RAB3GAP1: variants seen among roughly 807,000 people sequenced by gnomAD.
RAB3GAP1 encodes the protein RAB3 GTPase activating protein catalytic subunit 1, also known as rab3 GTPase-activating protein catalytic subunit.
Under a neutral mutation model 130.7 loss-of-function variants are expected in RAB3GAP1, and 86 were observed. The observed-to-expected ratio is 0.66, with a 90% CI of 0.55 to 0.79. RAB3GAP1 has a LOEUF of 0.79. Among genes scored for constraint, RAB3GAP1 ranks in the 30% least tolerant of loss-of-function variants. The probability of loss-of-function intolerance (pLI) is 0.00; values close to 1 mark genes in which losing one functional copy is unlikely to be tolerated. For missense variants in RAB3GAP1, 1,029 were observed against 1,169.4 expected (o/e 0.88, Z 1.75); for synonymous variants, 367 against 401.7 (o/e 0.91, Z 1.03).
chr2:135,135,494 TCAAG>T, intron 16 of RAB3GAP1, 66 bp from the exon 17 acceptor site: 1 of 1,491,534 alleles, frequency 6.7e-7, no homozygotes. Flanking sequence ...AATTAAATAT[TCAAG>T]CAGTAGGTAG....
At chr2:135,060,256 A>ATT (rs60562266) in intron 3 of RAB3GAP1, among the ~76,000 whole-genome samples, 6,252 of 109,752 alleles carry the variant, frequency 0.057, 544 homozygotes, top group African/African-American at 0.17. Context: ...TAACTGCTTG[A>ATT]TTTTTTTTTT....
At chr2:135,151,392 T>A (rs1326281984) in intron 18 of RAB3GAP1, among the ~76,000 whole-genome samples, 1 of 152,176 alleles carries the variant, frequency 6.6e-6, no homozygotes, top group East Asian at 1.9e-4. Flanking sequence ...GTGAGTTTGA[T>A]TTTTCTCTGA....
rs183379633 is a variant in RAB3GAP1, at chr2:135,136,035, C to T, written c.1923+103C>T. The T allele has an allele frequency of 4.1e-4, 621 of 1,498,938 alleles. 5 individuals carry two copies. The African/African-American group carries it at 7.4e-3, about 18-fold the overall frequency. 92.9% of individuals were successfully genotyped at this position (1,498,938 alleles called of 1,614,324 possible). On this transcript the variant is annotated intron_variant, in intron 17 of 23. Transcript: ENST00000264158. ...GAGTAAGGAAAATTATCCAAAAAGTCTATGTTTAGGCCAGATGCGGTGGCT... is the reference window on the plus strand; with the variant it reads ...GAGTAAGGAAAATTATCCAAAAAGTTTATGTTTAGGCCAGATGCGGTGGCT...
intron 19 of RAB3GAP1, among the ~76,000 whole-genome samples, chr2:135,156,556 T>C (rs72980307): frequency 0.045 from 6,884 of 152,252 alleles, 528 homozygotes; most frequent in African/African-American, 0.16. Context: ...GAAAATTGTA[T>C]CTCTATTTAT....
chr2:135,106,936 A>G (rs868810321), intron 5 of RAB3GAP1, among the ~76,000 whole-genome samples: 17 of 152,166 alleles, frequency 1.1e-4, no homozygotes, highest in Middle Eastern at 6.8e-3. Context: ...CCCTAGACAT[A>G]GTATGGGCAA....
At chr2:135,139,621 A>C (rs1691781077) in intron 17 of RAB3GAP1, among the ~76,000 whole-genome samples, 1 of 152,078 alleles carries the variant, frequency 6.6e-6, no homozygotes, top group Non-Finnish European at 1.5e-5. Flanking sequence ...TGATACATGC[A>C]TATAACTACT....
chr2:135,082,745 T>C (rs1689863429), intron 3 of RAB3GAP1, among the ~76,000 whole-genome samples: 2 of 151,972 alleles, frequency 1.3e-5, no homozygotes, highest in Non-Finnish European at 2.9e-5. Flanking sequence ...CCGGCCAATA[T>C]GTACACTTTT....
chr2:135,164,620 C>G lies in RAB3GAP1; in HGVS notation c.2633C>G (p.Pro878Arg). 1.2e-6 allele frequency: 2 copies of G among 1,613,306 alleles called. No individual in the cohort carries two copies. The highest frequency in any genetic ancestry group is 1.7e-6 in the Non-Finnish European group (2 of 1,179,584). The change falls in exon 23 of 24, where the codon CCT becomes CGT. Residue 878 changes from proline (P) to arginine (R), a missense_variant. Around this residue, in one of 3 missense-constraint regions of RAB3GAP1, gnomAD observed 146 missense variants for 143.7 expected, o/e 1.02. Transcript: ENST00000264158. ...ERFVSCLLEQ[P>R]EVLVTGAGRG... ...TTTGTGAGTTGCCTGCTGGAGCAGC[C>G]TGAAGTGTTAGTCACCGGTGCAGGA...
intron 5 of RAB3GAP1, among the ~76,000 whole-genome samples, chr2:135,108,547 T>C (rs1168226817): frequency 6.6e-6 from 1 of 151,838 alleles, no homozygotes; most frequent in Admixed American, 6.6e-5. Context: ...ATTATGTTCT[T>C]ATTTTTGAGT....
intron 22 of RAB3GAP1, among the ~76,000 whole-genome samples, chr2:135,164,288 T>C (rs753048607): frequency 2.6e-5 from 4 of 152,268 alleles, no homozygotes; most frequent in Non-Finnish European, 5.9e-5. Flanking sequence ...CATCTTTTAT[T>C]AACTGTAGCA....
intron 11 of RAB3GAP1, among the ~76,000 whole-genome samples, chr2:135,129,689 A>G (rs1691474974): frequency 6.6e-6 from 1 of 152,104 alleles, no homozygotes; most frequent in South Asian, 2.1e-4. Context: ...ACTTAATGAC[A>G]AATGGATACT....
intron 3 of RAB3GAP1, among the ~76,000 whole-genome samples, chr2:135,064,423 C>T (rs116623301): frequency 0.01 from 1,527 of 152,114 alleles, 23 homozygotes; most frequent in African/African-American, 0.035. Flanking sequence ...TTCTTGATTT[C>T]GAGTTCATTT....
At chr2:135,129,201 C>T (rs924617518) in intron 11 of RAB3GAP1, among the ~76,000 whole-genome samples, 4 of 150,360 alleles carry the variant, frequency 2.7e-5, no homozygotes, top group African/African-American at 9.8e-5. Flanking sequence ...ACTTGTAATC[C>T]CAGCACTTTG....
intron 17 of RAB3GAP1, among the ~76,000 whole-genome samples, chr2:135,148,488 ATTC>A (rs869291737): frequency 2.2e-5 from 3 of 137,444 alleles, no homozygotes; most frequent in Non-Finnish European, 3.0e-5. Context: ...CAAGCTAGTA[ATTC>A]TTTTTTTTTT....
intron 3 of RAB3GAP1, among the ~76,000 whole-genome samples, chr2:135,063,553 A>T (rs1377545011): frequency 1.3e-5 from 2 of 152,118 alleles, no homozygotes; most frequent in Admixed American, 1.3e-4. Flanking sequence ...CCTGATATAA[A>T]TGGAATCATA....
intron 22 of RAB3GAP1, 131 bp from the exon 23 acceptor site, chr2:135,164,463 C>T: frequency 2.8e-6 from 2 of 703,786 alleles, no homozygotes; most frequent in Middle Eastern, 3.8e-4. Flanking sequence ...TGTAAAATTT[C>T]ACTCCAACCT....
At position 135,153,719 on chromosome 2, in the gene RAB3GAP1, A is replaced by T. The variant is rs1449281468; in HGVS notation, c.2132A>T (p.Glu711Val). 9 of 1,613,874 alleles carry T rather than the reference A, an allele frequency of 5.6e-6. No individual in the cohort carries two copies. Among genetic ancestry groups the T allele is most frequent in the Non-Finnish European group, 7.6e-6 (9 of 1,179,930 alleles). Reference sequence around the variant, plus strand: ...TCACCCCGGGATTATATTGAAGAGGAGGTGATTGATGAAAAGGGCAATGTG... The same window carrying T: ...TCACCCCGGGATTATATTGAAGAGGTGGTGATTGATGAAAAGGGCAATGTG... ...WYSPRDYIEE[E>V]VIDEKGNVVL... Residue 711 changes from glutamate to valine, a missense_variant, in exon 19 of 24, where the codon GAG becomes GTG. Glu to Val is a moderately radical substitution (Grantham distance 121, BLOSUM62 -2). This residue lies in a region of RAB3GAP1 where 373 missense variants were observed against 493.6 expected (regional missense o/e 0.76). Coordinates refer to ENST00000264158, the MANE Select transcript of RAB3GAP1 (RefSeq NM_012233.3).
chr2:135,132,546 G>GC (rs1288038644), intron 13 of RAB3GAP1, among the ~76,000 whole-genome samples: 1 of 152,010 alleles, frequency 6.6e-6, no homozygotes, highest in African/African-American at 2.4e-5. Context: ...TTGTGGTTTT[G>GC]TTTTTTAGAT....
intron 3 of RAB3GAP1, among the ~76,000 whole-genome samples, chr2:135,062,072 G>A (rs1393836364): frequency 6.6e-6 from 1 of 151,744 alleles, no homozygotes; most frequent in Non-Finnish European, 1.5e-5. Flanking sequence ...TGTCACCCAG[G>A]CTGGAGTGCT....
Sources: allele counts gnomAD v4.1 joint callset (sites outside exome capture counted in the v4.1 genomes callset), GRCh38; gene constraint gnomAD v4.1.1; regional missense constraint gnomAD v4.1.1; transcripts MANE v1.5; gene names NCBI Gene and HGNC (gene_info 2026-07-23, HGNC 2026-07-21).